Variants in TAMM41 observed in about 807,000 individuals in gnomAD.
The protein encoded by TAMM41 is phosphatidate cytidylyltransferase, mitochondrial.
Under a neutral mutation model 44.1 loss-of-function variants are expected in TAMM41, and 36 were observed. The ratio of observed to expected loss-of-function variants is 0.82; its 90% CI spans 0.63 to 1.08. The LOEUF (loss-of-function observed/expected upper bound fraction) is 1.08. Among genes scored for constraint, TAMM41 ranks in the 50% least tolerant of loss-of-function variants. TAMM41 has a pLI of 0.00. For synonymous variants in TAMM41, 164 were observed against 153.1 expected (o/e 1.07, Z -0.53); for missense variants, 417 against 404.3 (o/e 1.03, Z -0.27).
At chr3:11,749,422 T>C in the TAMM41 span, among the ~76,000 whole-genome samples, 1 of 152,210 alleles carries the variant, frequency 6.6e-6, no homozygotes, top group African/African-American at 2.4e-5. Context: ...GCCTGTTTCC[T>C]GTGCTTTACA....
At chr3:11,742,577 G>A in the TAMM41 span, among the ~76,000 whole-genome samples, 3 of 148,334 alleles carry the variant, frequency 2.0e-5, no homozygotes, top group South Asian at 6.3e-4. Flanking sequence ...ATGTGAACAT[G>A]CCCATCGCTT....
chr3:11,831,334 C>G (rs573238818), intron 3 of TAMM41, among the ~76,000 whole-genome samples: 1 of 152,298 alleles, frequency 6.6e-6, no homozygotes, highest in South Asian at 2.1e-4. Flanking sequence ...AATTACTGCT[C>G]TAAGGTGCAT....
chr3:11,758,092 C>T, the TAMM41 span, among the ~76,000 whole-genome samples: 1 of 152,100 alleles, frequency 6.6e-6, no homozygotes, highest in Admixed American at 6.6e-5. Context: ...AAGTAGGAGT[C>T]AGTCGGGTGA....
the TAMM41 span, among the ~76,000 whole-genome samples, chr3:11,752,481 C>A: frequency 2.6e-5 from 4 of 151,968 alleles, no homozygotes; most frequent in African/African-American, 9.7e-5. Context: ...AGCCACTGAG[C>A]GCTGATTGGT....
chr3:11,844,664 G>A (rs969190735), intron 1 of TAMM41, among the ~76,000 whole-genome samples: 1 of 152,140 alleles, frequency 6.6e-6, no homozygotes, highest in African/African-American at 2.4e-5. Flanking sequence ...AATGTGCTCC[G>A]CTTTTCTTCT....
At chr3:11,748,128 G>T in the TAMM41 span, among the ~76,000 whole-genome samples, 1 of 150,438 alleles carries the variant, frequency 6.6e-6, no homozygotes, top group South Asian at 2.1e-4. Context: ...ACCTGCCTTA[G>T]CCTCCCAAAG....
intron 7 of TAMM41, 37 bp from the exon 8 acceptor site, chr3:11,790,618 G>A: frequency 6.4e-7 from 1 of 1,559,760 alleles, no homozygotes; most frequent in Non-Finnish European, 8.8e-7. Flanking sequence ...GAAGATGGAG[G>A]CTTGTTGAGT....
chr3:11,771,834 C>T, the TAMM41 span, among the ~76,000 whole-genome samples: 1,606 of 152,286 alleles, frequency 0.011, 28 homozygotes, highest in Admixed American at 0.039. Context: ...CGACCCACCT[C>T]GGCCTCCCAA....
intron 7 of TAMM41, among the ~76,000 whole-genome samples, chr3:11,800,761 G>A (rs948625937): frequency 2.0e-5 from 3 of 152,042 alleles, no homozygotes; most frequent in African/African-American, 7.2e-5. Context: ...ACAGACCATC[G>A]AGGCAAAAAA....
At chr3:11,843,893 C>G (rs1182783600) in intron 2 of TAMM41, 136 bp downstream of exon 2, 1 of 851,330 alleles carries the variant, frequency 1.2e-6, no homozygotes, top group African/African-American at 1.7e-5. Flanking sequence ...TAAAAACATA[C>G]ATATTTCCCG....
chr3:11,737,567 G>A, the TAMM41 span, among the ~76,000 whole-genome samples: 147 of 152,020 alleles, frequency 9.7e-4, no homozygotes, highest in African/African-American at 3.4e-3. Flanking sequence ...TGATCCGCCC[G>A]CCTTGGCCTC....
chr3:11,791,214 CCCTGTCA>C (rs1559262339), intron 7 of TAMM41, among the ~76,000 whole-genome samples: 1 of 152,138 alleles, frequency 6.6e-6, no homozygotes. Context: ...ACCTAGGTGG[CCCTGTCA>C]CCTAGTACAG....
intron 2 of TAMM41, among the ~76,000 whole-genome samples, chr3:11,841,756 C>T (rs948600584): frequency 2.6e-5 from 4 of 152,180 alleles, no homozygotes; most frequent in Non-Finnish European, 2.9e-5. Flanking sequence ...AGCAGCACTG[C>T]AGAAAGCCCT....
the TAMM41 span, among the ~76,000 whole-genome samples, chr3:11,736,610 T>C: frequency 5.9e-5 from 9 of 152,220 alleles, no homozygotes; most frequent in African/African-American, 2.2e-4. Context: ...CTTTTATCGC[T>C]GCTCTTGATC....
At chr3:11,748,622 G>A in the TAMM41 span, among the ~76,000 whole-genome samples, 1 of 151,756 alleles carries the variant, frequency 6.6e-6, no homozygotes, top group African/African-American at 2.4e-5. Flanking sequence ...CAAGTGATCT[G>A]CCCCCCTCAG....
the TAMM41 span, among the ~76,000 whole-genome samples, chr3:11,743,902 T>C: frequency 6.6e-6 from 1 of 152,086 alleles, no homozygotes; most frequent in Admixed American, 6.6e-5. Flanking sequence ...CACCCTTCCA[T>C]TGCCCTCAGT....
At chr3:11,821,691 G>A (rs2078527703) in intron 4 of TAMM41, among the ~76,000 whole-genome samples, 1 of 152,210 alleles carries the variant, frequency 6.6e-6, no homozygotes, top group South Asian at 2.1e-4. Context: ...GGAGGGTAGA[G>A]GAAGCGCTGG....
At chr3:11,846,221 C>T (rs1436776257) in intron 1 of TAMM41, among the ~76,000 whole-genome samples, 1 of 152,254 alleles carries the variant, frequency 6.6e-6, no homozygotes, top group Non-Finnish European at 1.5e-5. Flanking sequence ...AACCTGATAA[C>T]GATTTCTTTT....
chr3:11,785,685 G>A (rs751813495), downstream of TAMM41, among the ~76,000 whole-genome samples: 4 of 151,348 alleles, frequency 2.6e-5, no homozygotes, highest in African/African-American at 7.3e-5. Context: ...CACGATCTCC[G>A]CTCACTGCAG....
Sources: gnomAD v4.1 joint callset for allele counts (sites outside exome capture counted in the v4.1 genomes callset) on GRCh38, gnomAD v4.1.1 for gene constraint, MANE v1.5 for transcripts, NCBI Gene and HGNC (gene_info 2026-07-23, HGNC 2026-07-21) for gene names.